The following ATP8B4 variants were observed in gnomAD, a reference collection of about 807,000 sequenced individuals.
ATP8B4 encodes ATPase phospholipid transporting 8B4 (putative).
In ATP8B4, 133 loss-of-function variants were observed where a neutral mutation model predicts 145.6. That is an observed-to-expected ratio of 0.91 (90% confidence interval 0.79 to 1.05). ATP8B4 has a LOEUF of 1.05. Among genes scored for constraint, ATP8B4 ranks in the 50% least tolerant of loss-of-function variants. The pLI, the probability that ATP8B4 is intolerant of heterozygous loss-of-function variation, is 0.00. For synonymous variants in ATP8B4, 507 were observed against 492.9 expected, an observed-to-expected ratio of 1.03 and a Z score of -0.38; for missense variants, 1,458 against 1,425.2, an observed-to-expected ratio of 1.02 and a Z score of -0.37.
chr15:50,031,699 C>A (rs143939255), intron 6 of ATP8B4, among the ~76,000 whole-genome samples: 3 of 152,144 alleles, frequency 2.0e-5, no homozygotes, highest in Non-Finnish European at 2.9e-5. Flanking sequence ...CATCCACCCC[C>A]CTACCACCAC....
intron 19 of ATP8B4, 79 bp from the exon 20 acceptor site, chr15:49,917,118 T>A (rs555589442): frequency 1.5e-6 from 2 of 1,371,322 alleles, no homozygotes; most frequent in South Asian, 2.4e-5. Context: ...TTTTGAGGGC[T>A]TAGCTGTATT....
At chr15:50,071,713 C>T (rs1469758179) in intron 3 of ATP8B4, among the ~76,000 whole-genome samples, 1 of 152,142 alleles carries the variant, frequency 6.6e-6, no homozygotes, top group Non-Finnish European at 1.5e-5. Flanking sequence ...TGTCAGGAGG[C>T]CATACAGAGT....
chr15:50,078,548 A>G (rs1157131922), intron 2 of ATP8B4, among the ~76,000 whole-genome samples: 2 of 149,636 alleles, frequency 1.3e-5, no homozygotes, highest in African/African-American at 4.9e-5. Flanking sequence ...GGAAAATGTG[A>G]AAAAAAAAAC....
rs570981585 is a variant in ATP8B4 at position 50,048,332 on chromosome 15, G to A, written c.88-868C>T. ...AGGTAGCCACACAGAAAGAAACACC[G>A]CGGAATGCCTCTTAAGACACCCCAA... On this transcript the variant is annotated intron_variant, in intron 3 of 27. Coordinates refer to ENST00000284509, the MANE Select transcript of ATP8B4 (RefSeq NM_024837.4). Among the ~76,000 whole-genome samples the A allele has an allele frequency of 2.4e-4, 37 of 152,172 alleles. 2 individuals are homozygous for A. The South Asian group carries it at 4.2e-3, about 17-fold the overall frequency.
intron 2 of ATP8B4, among the ~76,000 whole-genome samples, chr15:50,090,812 T>C (rs1178593667): frequency 2.0e-5 from 3 of 152,122 alleles, no homozygotes; most frequent in Non-Finnish European, 4.4e-5. Flanking sequence ...GGTCTCAAAC[T>C]CTTGGGCTCA....
chr15:50,172,194 C>G (rs1333039516), intron 1 of ATP8B4, among the ~76,000 whole-genome samples: 14 of 152,240 alleles, frequency 9.2e-5, no homozygotes, highest in Admixed American at 9.2e-4. Context: ...TGATGCCGAG[C>G]GGAGGCTGGA....
chr15:50,151,728 G>A (rs1355798779), intron 1 of ATP8B4, among the ~76,000 whole-genome samples: 5 of 123,596 alleles, frequency 4.0e-5, no homozygotes, highest in African/African-American at 1.6e-4. Flanking sequence ...GAGACAGAGT[G>A]AGAACCTGTC....
Position 49,920,374 on chromosome 15 carries a change from C to A in ATP8B4, c.1795G>T (p.Ala599Ser). Residue 599 changes from alanine to serine, a missense_variant, in exon 18 of 28, where the codon GCA (alanine) becomes TCA (serine). Ala to Ser is a moderately conservative substitution (Grantham distance 99). Transcript: ENST00000284509. ...AGEGLRTLAI[A>S]YRDLDDKYFK... Reference sequence around the variant, plus strand: ...TACTTGTCATCCAGGTCTCTGTATGCGATGGCCAAGGTCCGAAGGCCTTCC... The same window carrying A: ...TACTTGTCATCCAGGTCTCTGTATGAGATGGCCAAGGTCCGAAGGCCTTCC... 1 of 1,614,132 alleles carries A rather than the reference C, an allele frequency of 6.2e-7. No individual in the cohort carries two copies. Among genetic ancestry groups the A allele is most frequent in the South Asian group, 1.1e-5 (1 of 91,074 alleles).
intron 8 of ATP8B4, among the ~76,000 whole-genome samples, chr15:49,997,866 A>C (rs990567424): frequency 6.6e-6 from 1 of 152,174 alleles, no homozygotes. Context: ...TAATCTTATT[A>C]ATCAAAACCT....
At chr15:50,089,290 A>T (rs550949666) in intron 2 of ATP8B4, among the ~76,000 whole-genome samples, 4 of 152,328 alleles carry the variant, frequency 2.6e-5, no homozygotes, top group Admixed American at 2.0e-4. Flanking sequence ...GATCTAATTA[A>T]ACTAAAGAGC....
intron 20 of ATP8B4, among the ~76,000 whole-genome samples, chr15:49,906,128 T>C: frequency 6.6e-6 from 1 of 152,222 alleles, no homozygotes; most frequent in East Asian, 1.9e-4. Context: ...ATTGCATGTA[T>C]ATATCATAGC....
intron 2 of ATP8B4, among the ~76,000 whole-genome samples, chr15:50,088,670 T>A (rs979749900): frequency 6.6e-6 from 1 of 152,236 alleles, no homozygotes; most frequent in Non-Finnish European, 1.5e-5. Flanking sequence ...TTTTGTTGAT[T>A]GTCTTTCTGC....
intron 1 of ATP8B4, among the ~76,000 whole-genome samples, chr15:50,180,831 G>A (rs1595675004): frequency 6.6e-6 from 1 of 151,878 alleles, no homozygotes; most frequent in East Asian, 1.9e-4. Flanking sequence ...TGCTTGCGCA[G>A]TTACTAGGGA....
chr15:50,006,279 C>G (rs567767820), intron 7 of ATP8B4, among the ~76,000 whole-genome samples: 1 of 127,732 alleles, frequency 7.8e-6, no homozygotes, highest in Non-Finnish European at 1.5e-5. Flanking sequence ...GGCTGTTCCT[C>G]TAGTCAAAAA....
At chr15:49,869,282 CA>C (rs2033323158) in intron 25 of ATP8B4, among the ~76,000 whole-genome samples, 1 of 151,736 alleles carries the variant, frequency 6.6e-6, no homozygotes, top group African/African-American at 2.4e-5. Context: ...AATTGAAAAG[CA>C]GAATTAAAAG....
At chr15:50,160,208 T>C (rs2044496005) in intron 1 of ATP8B4, among the ~76,000 whole-genome samples, 1 of 151,862 alleles carries the variant, frequency 6.6e-6, no homozygotes. Context: ...TAACCAATAA[T>C]GATCCTTTCC....
intron 2 of ATP8B4, among the ~76,000 whole-genome samples, chr15:50,085,916 T>C (rs2153647722): frequency 1.8e-5 from 2 of 113,138 alleles, no homozygotes; most frequent in African/African-American, 7.6e-5. Flanking sequence ...TATATTTATA[T>C]ATGATATATA....
chr15:50,158,171 C>T (rs917448714), intron 1 of ATP8B4, among the ~76,000 whole-genome samples: 22 of 152,294 alleles, frequency 1.4e-4, no homozygotes, highest in Middle Eastern at 3.4e-3. Context: ...TCTGCCCAGC[C>T]GCCACCCCGT....
chr15:49,983,741 G>C (rs976303473), intron 10 of ATP8B4, among the ~76,000 whole-genome samples: 1 of 152,128 alleles, frequency 6.6e-6, no homozygotes, highest in Non-Finnish European at 1.5e-5. Flanking sequence ...CAAACTTCTG[G>C]ATACTGACCA....
Sources: allele counts gnomAD v4.1 joint callset (sites outside exome capture counted in the v4.1 genomes callset), GRCh38; gene constraint gnomAD v4.1.1; transcripts MANE v1.5; gene names NCBI Gene and HGNC (gene_info 2026-07-23, HGNC 2026-07-21).